Variants in PIEZO2 observed in about 807,000 individuals in gnomAD.
The protein encoded by PIEZO2 is piezo-type mechanosensitive ion channel component 2.
In PIEZO2, 172 loss-of-function variants were observed where a neutral mutation model predicts 337.3. That is an observed-to-expected ratio of 0.51 (90% CI 0.45 to 0.58). The LOEUF (loss-of-function observed/expected upper bound fraction) is 0.58. Ranked by LOEUF, PIEZO2 falls within the 20% of genes least tolerant of loss-of-function variation. The pLI, the probability that PIEZO2 is intolerant of heterozygous loss-of-function variation, is 0.00. For missense variants in PIEZO2, 3,028 were observed against 3,391.3 expected (o/e 0.89, Z 2.66); for synonymous variants, 1,251 against 1,228.5 (o/e 1.02, Z -0.38).
Position 10,797,160 on chromosome 18 carries a change from A to G in PIEZO2, c.1527+214T>C, listed in dbSNP as rs562003339. Among the ~76,000 whole-genome samples the G allele has an allele frequency of 2.0e-5, 3 of 151,812 alleles. No individual in the cohort carries two copies. In the South Asian group the frequency reaches 6.3e-4, roughly 32 times the overall value. The stretch of plus-strand genomic sequence containing the variant: ...CACATACCATCATATCATATTATAC[A>G]TATCATCATATTATACCTACCATCA... On this transcript the variant is annotated intron_variant, in intron 12 of 55. Coordinates refer to ENST00000674853, the MANE Select transcript of PIEZO2 (RefSeq NM_001378183.1).
At position 11,003,869 on chromosome 18, in the gene PIEZO2, A is replaced by G. The variant is rs563640889; in HGVS notation, c.161-24209T>C. Among the ~76,000 whole-genome samples, 27 of 152,356 alleles carry G rather than the reference A, an allele frequency of 1.8e-4. No homozygotes were observed. The highest frequency in any genetic ancestry group is 5.5e-4 in the African/African-American group (23 of 41,584). ...CCCCTCATTGACATTGGAACAAAAC[A>G]ATATTCAACTACATTTTTCAGGGAC... On this transcript the variant is annotated intron_variant, in intron 2 of 55. Coordinates refer to ENST00000674853, the MANE Select transcript of PIEZO2 (RefSeq NM_001378183.1). The surrounding 1 kb of genome is among the most constrained non-coding windows in gnomAD (Gnocchi z 4.6).
Position 10,943,989 on chromosome 18 carries a change from C to T in PIEZO2, c.287-32761G>A, listed in dbSNP as rs150731946. 2.1e-4 allele frequency among the ~76,000 whole-genome samples: 32 copies of T among 152,270 alleles called. No homozygotes were observed. The East Asian group carries it at 6.0e-3, about 28-fold the overall frequency. ...GTGACTTCCTCCTACTTGCCTTCTGCCGTAATTGTGAGGCCTCCCCAGCCA... is the reference window on the plus strand; with the variant it reads ...GTGACTTCCTCCTACTTGCCTTCTGTCGTAATTGTGAGGCCTCCCCAGCCA... On this transcript the variant is annotated intron_variant, in intron 3 of 55. Coordinates refer to ENST00000674853, the MANE Select transcript of PIEZO2 (RefSeq NM_001378183.1). The surrounding 1 kb of genome is among the most constrained non-coding windows in gnomAD (Gnocchi z 4.5).
At chr18:10,884,706 G>A (rs543467822) in intron 4 of PIEZO2, among the ~76,000 whole-genome samples, 5 of 152,266 alleles carry the variant, frequency 3.3e-5, no homozygotes, top group South Asian at 4.1e-4. Context: ...CCCCCTGCTG[G>A]AATTAGTGCA....
chr18:10,801,732 G>A (rs980766418), intron 9 of PIEZO2, among the ~76,000 whole-genome samples: 10 of 152,080 alleles, frequency 6.6e-5, no homozygotes, highest in Middle Eastern at 3.2e-3. Flanking sequence ...TTTTGTACCC[G>A]TTTGAGACAT....
intron 3 of PIEZO2, among the ~76,000 whole-genome samples, chr18:10,977,417 T>G (rs1203006376): frequency 6.6e-6 from 1 of 152,098 alleles, no homozygotes; most frequent in African/African-American, 2.4e-5. Flanking sequence ...GCCTTTTATC[T>G]GGATAACACC....
intron 5 of PIEZO2, among the ~76,000 whole-genome samples, chr18:10,860,839 C>T (rs2041852696): frequency 6.6e-6 from 1 of 152,188 alleles, no homozygotes; most frequent in Non-Finnish European, 1.5e-5. Context: ...ATTTCCCTGA[C>T]CTGTCTTAGG....
rs2039095019 is a variant in PIEZO2 at position 10,783,217 on chromosome 18, C to T, written c.2492+1567G>A. 1.3e-5 allele frequency among the ~76,000 whole-genome samples: 2 copies of T among 152,176 alleles called. No homozygotes were observed. Among genetic ancestry groups the T allele is most frequent in the South Asian group, 4.1e-4 (2 of 4,828 alleles). ...ACTCCTTCACAAACATATAAATTGGCTCTGCTAACTAAAATACTTTGTAAT... is the reference window on the plus strand; with the variant it reads ...ACTCCTTCACAAACATATAAATTGGTTCTGCTAACTAAAATACTTTGTAAT... On this transcript the variant is annotated intron_variant, in intron 17 of 55. Transcript: ENST00000674853. This position sits in a 1 kb window ranked among gnomAD's most constrained non-coding sequence, Gnocchi z 4.3.
At chr18:10,771,137 G>T (rs1480926441) in intron 20 of PIEZO2, among the ~76,000 whole-genome samples, 1 of 152,158 alleles carries the variant, frequency 6.6e-6, no homozygotes, top group East Asian at 1.9e-4. Context: ...TGCCACAACG[G>T]CACTTTTATA....
At chr18:10,791,152 A>G (rs2039397946) in intron 14 of PIEZO2, 49 bp downstream of exon 14, 1 of 1,472,994 alleles carries the variant, frequency 6.8e-7, no homozygotes, top group Non-Finnish European at 9.0e-7. Flanking sequence ...CTTTCTCTGT[A>G]ATTTTGCTGA....
chr18:10,803,437 A>G (rs1046330516), intron 9 of PIEZO2, among the ~76,000 whole-genome samples: 1 of 152,202 alleles, frequency 6.6e-6, no homozygotes, highest in African/African-American at 2.4e-5. Context: ...GTTTGCCTCA[A>G]AGTGATGAGC....
In PIEZO2 at chr18:11,116,204, T is replaced by A. The variant is rs1275085855; in HGVS notation, c.64+32321A>T. Among the ~76,000 whole-genome samples the A allele has an allele frequency of 2.6e-5, 4 of 152,218 alleles. No homozygotes were observed. Among genetic ancestry groups the A allele is most frequent in the Non-Finnish European group, 5.9e-5 (4 of 68,034 alleles). ...AAAAACATGGCCAGTGCTCAGATTA[T>A]GCCCACTGCCTTCAATATCCAGCTT... On this transcript the variant is annotated intron_variant, in intron 1 of 55. Transcript: ENST00000674853. The surrounding 1 kb of genome is among the most constrained non-coding windows in gnomAD (Gnocchi z 5.0).
intron 39 of PIEZO2, among the ~76,000 whole-genome samples, chr18:10,713,000 C>T (rs898155058): frequency 6.6e-6 from 1 of 152,116 alleles, no homozygotes; most frequent in Non-Finnish European, 1.5e-5. Context: ...AATATAGTCT[C>T]TTTTATTATC....
chr18:10,854,368 A>G lies in PIEZO2; in HGVS notation c.917+985T>C, dbSNP rs908337260. Among the ~76,000 whole-genome samples the G allele has an allele frequency of 6.6e-6, 1 of 152,182 alleles. No homozygotes were observed. Among genetic ancestry groups the G allele is most frequent in the Non-Finnish European group, 1.5e-5 (1 of 68,042 alleles). ...TTTTCTTTGCAATTAGCAAGCACCAACAAGGTTCTACTTTGTCATTGTGCA... is the reference window on the plus strand; with the variant it reads ...TTTTCTTTGCAATTAGCAAGCACCAGCAAGGTTCTACTTTGTCATTGTGCA... On this transcript the variant is annotated intron_variant, in intron 7 of 55. Coordinates refer to ENST00000674853, the MANE Select transcript of PIEZO2 (RefSeq NM_001378183.1). This position sits in a 1 kb window ranked among gnomAD's most constrained non-coding sequence, Gnocchi z 4.6.
chr18:10,672,746 C>CAGTT lies in PIEZO2; in HGVS notation c.8285_8288dup (p.Val2764ThrfsTer6). On this transcript the variant is annotated frameshift_variant, in exon 55 of 56. Coordinates refer to ENST00000674853, the MANE Select transcript of PIEZO2 (RefSeq NM_001378183.1). LOFTEE classifies it high-confidence loss of function. The surrounding 1 kb of genome is among the most constrained non-coding windows in gnomAD (Gnocchi z 4.7). ...GACTGACTTTGTCATTGAAGACCAC[C>CAGTT]AGTTCCAGGGCCTGAGAGTTCGGAT... The CAGTT allele has an allele frequency of 6.2e-7, 1 of 1,614,092 alleles. No homozygotes were observed. The highest frequency in any genetic ancestry group is 8.5e-7 in the Non-Finnish European group (1 of 1,179,994).
intron 1 of PIEZO2, among the ~76,000 whole-genome samples, chr18:11,137,062 C>A (rs1240127542): frequency 1.3e-5 from 2 of 152,196 alleles, no homozygotes; most frequent in African/African-American, 4.8e-5. Flanking sequence ...TAAACATGCT[C>A]ACACATCTTG....
chr18:10,950,703 A>T (rs1025122339), intron 3 of PIEZO2, among the ~76,000 whole-genome samples: 4 of 152,136 alleles, frequency 2.6e-5, no homozygotes, highest in Middle Eastern at 3.4e-3. Context: ...CCTGTCAAAC[A>T]TTTTCCCTTC....
In PIEZO2 at chr18:11,033,172, CAT is replaced by C. The variant is rs1317226780; in HGVS notation, c.160+32953_160+32954del. Among the ~76,000 whole-genome samples, 2 of 152,234 alleles carry C rather than the reference CAT, an allele frequency of 1.3e-5. No individual in the cohort carries two copies. The highest frequency in any genetic ancestry group is 2.9e-5 in the Non-Finnish European group (2 of 68,032). On this transcript the variant is annotated intron_variant, in intron 2 of 55. Coordinates refer to ENST00000674853, the MANE Select transcript of PIEZO2 (RefSeq NM_001378183.1). The surrounding 1 kb of genome is among the most constrained non-coding windows in gnomAD (Gnocchi z 4.2). ...GTCATTGAGTCCTCTCTACAACACACATGTGGGCACTGTTCTCTCCTTCATTT... is the reference window on the plus strand; with the variant it reads ...GTCATTGAGTCCTCTCTACAACACACGTGGGCACTGTTCTCTCCTTCATTT...
rs1000142626 is a variant in PIEZO2 at position 10,740,783 on chromosome 18, T to A, written c.4708+248A>T. The A allele has an allele frequency of 7.8e-6, 5 of 642,844 alleles. No homozygotes were observed. In the African/African-American group the frequency reaches 9.0e-5, roughly 12 times the overall value. The allele number at this position is 642,844 out of a possible 1,614,324, so 39.8% of individuals were successfully genotyped here. A position where few individuals can be genotyped will look rare whatever the true frequency, so the allele number is the denominator to read the frequency against. ...CCCATAAATTATGCCCTAGAGTCTATAAGCCACGTGTTTGGCTTTCTACAG... is the reference window on the plus strand; with the variant it reads ...CCCATAAATTATGCCCTAGAGTCTAAAAGCCACGTGTTTGGCTTTCTACAG... On this transcript the variant is annotated intron_variant, in intron 33 of 55. Coordinates refer to ENST00000674853, the MANE Select transcript of PIEZO2 (RefSeq NM_001378183.1).
intron 29 of PIEZO2, 104 bp downstream of exon 29, chr18:10,749,987 C>G: frequency 1.2e-6 from 1 of 821,254 alleles, no homozygotes; most frequent in South Asian, 1.5e-5. Context: ...AAACTGACCC[C>G]ACTTTTATAT....
Sources: gnomAD v4.1 joint callset for allele counts (sites outside exome capture counted in the v4.1 genomes callset) on GRCh38, gnomAD v4.1.1 for gene constraint, Gnocchi (gnomAD v3.1) non-coding constraint, MANE v1.5 for transcripts, NCBI Gene and HGNC (gene_info 2026-07-23, HGNC 2026-07-21) for gene names.